GALNT13: variants seen among roughly 807,000 people sequenced by gnomAD.
GALNT13 encodes the protein polypeptide N-acetylgalactosaminyltransferase 13.
Under a neutral mutation model 64.2 loss-of-function variants are expected in GALNT13, and 28 were observed. The observed-to-expected ratio is 0.44, with a 90% CI of 0.32 to 0.60. The LOEUF is 0.60. Ranked by LOEUF, GALNT13 falls within the 20% of genes least tolerant of loss-of-function variation. The pLI, the probability that GALNT13 is intolerant of heterozygous loss-of-function variation, is 0.05. For synonymous variants in GALNT13, 214 were observed against 224.6 expected (o/e 0.95, Z 0.42); for missense variants, 577 against 669.8 (o/e 0.86, Z 1.53).
chr2:154,000,070 G>A (rs897479194), intron 3 of GALNT13, among the ~76,000 whole-genome samples: 6 of 151,246 alleles, frequency 4.0e-5, no homozygotes, highest in Non-Finnish European at 8.8e-5. Context: ...GAGAAAGGTT[G>A]TATTTGTCCA....
chr2:153,481,380 G>A, the GALNT13 span, among the ~76,000 whole-genome samples: 2 of 152,010 alleles, frequency 1.3e-5, no homozygotes, highest in Non-Finnish European at 2.9e-5. Flanking sequence ...AACAATTTCA[G>A]TTTTTCTCCT....
chr2:153,937,940 G>T (rs1312857261), intron 2 of GALNT13, among the ~76,000 whole-genome samples: 2 of 152,156 alleles, frequency 1.3e-5, no homozygotes, highest in Non-Finnish European at 2.9e-5. Flanking sequence ...AAGAGAGAAT[G>T]GGAAGATAGG....
the GALNT13 span, among the ~76,000 whole-genome samples, chr2:153,314,689 G>C: frequency 6.6e-6 from 1 of 151,172 alleles, no homozygotes; most frequent in Non-Finnish European, 1.5e-5. Context: ...AATGGGAAAA[G>C]AAGAAACCAC....
intron 9 of GALNT13, among the ~76,000 whole-genome samples, chr2:154,324,338 T>TTA (rs1694773855): frequency 2.0e-5 from 3 of 152,154 alleles, no homozygotes; most frequent in African/African-American, 4.8e-5. Flanking sequence ...TAAAATTACA[T>TTA]GCAAAGGGTA....
chr2:153,270,307 T>C, the GALNT13 span, among the ~76,000 whole-genome samples: 1 of 152,192 alleles, frequency 6.6e-6, no homozygotes, highest in Admixed American at 6.5e-5. Context: ...GCTACATGTG[T>C]GAGCAGTCTA....
chr2:153,620,275 G>C, the GALNT13 span, among the ~76,000 whole-genome samples: 4 of 151,628 alleles, frequency 2.6e-5, no homozygotes, highest in African/African-American at 7.3e-5. Flanking sequence ...AGGAGTGCAT[G>C]ACCACACCTG....
chr2:153,906,343 T>C (rs1371830006), intron 2 of GALNT13, among the ~76,000 whole-genome samples: 2 of 150,960 alleles, frequency 1.3e-5, no homozygotes, highest in Admixed American at 6.6e-5. Flanking sequence ...GTGCTGCACC[T>C]ATTAACTCAT....
At chr2:153,320,955 G>T in the GALNT13 span, among the ~76,000 whole-genome samples, 1 of 152,124 alleles carries the variant, frequency 6.6e-6, no homozygotes, top group African/African-American at 2.4e-5. Flanking sequence ...AGCCAAATCT[G>T]GAGTTGATAG....
At chr2:153,171,529 T>C in the GALNT13 span, among the ~76,000 whole-genome samples, 1 of 152,206 alleles carries the variant, frequency 6.6e-6, no homozygotes, top group African/African-American at 2.4e-5. Flanking sequence ...GTAACTCTTA[T>C]ATGTTGGTGA....
chr2:153,191,219 T>A, the GALNT13 span, among the ~76,000 whole-genome samples: 1 of 152,120 alleles, frequency 6.6e-6, no homozygotes, highest in Non-Finnish European at 1.5e-5. Flanking sequence ...TTGTCTTATA[T>A]GGCCTTTATT....
At chr2:153,501,619 T>A in the GALNT13 span, among the ~76,000 whole-genome samples, 82,460 of 151,982 alleles carry the variant, frequency 0.54, 24,115 homozygotes, top group African/African-American at 0.74. Context: ...GGCATGAGCC[T>A]CCGCACCCGG....
chr2:153,755,567 C>T, the GALNT13 span, among the ~76,000 whole-genome samples: 1 of 152,016 alleles, frequency 6.6e-6, no homozygotes, highest in Non-Finnish European at 1.5e-5. Context: ...AATACCTATT[C>T]AGGTCCCTTG....
chr2:153,871,529 T>A (rs1321881318), upstream of GALNT13, among the ~76,000 whole-genome samples: 4 of 152,142 alleles, frequency 2.6e-5, no homozygotes, highest in Non-Finnish European at 5.9e-5. Context: ...TCTAAGAGGC[T>A]CCCTGGTGCA....
chr2:153,088,888 A>G, the GALNT13 span, among the ~76,000 whole-genome samples: 1 of 152,088 alleles, frequency 6.6e-6, no homozygotes, highest in Non-Finnish European at 1.5e-5. Flanking sequence ...TCCCTTGAAG[A>G]TCTCAGATAC....
chr2:154,334,700 C>A (rs1695346522), intron 9 of GALNT13, among the ~76,000 whole-genome samples: 1 of 151,996 alleles, frequency 6.6e-6, no homozygotes, highest in Non-Finnish European at 1.5e-5. Context: ...TCTCTCCGTT[C>A]TCACTACATA....
downstream of GALNT13, among the ~76,000 whole-genome samples, chr2:154,455,601 G>A (rs1310365775): frequency 6.8e-6 from 1 of 147,514 alleles, no homozygotes; most frequent in Non-Finnish European, 1.5e-5. Flanking sequence ...AGCCCCTTAT[G>A]TATAGTACAT....
the GALNT13 span, among the ~76,000 whole-genome samples, chr2:153,532,735 T>G: frequency 4.9e-3 from 751 of 152,324 alleles, 3 homozygotes; most frequent in Non-Finnish European, 6.6e-3. Context: ...AAACACTTTG[T>G]GCTTAGAAAT....
At chr2:154,417,401 C>CAG (rs1326987824) in intron 11 of GALNT13, among the ~76,000 whole-genome samples, 1 of 151,572 alleles carries the variant, frequency 6.6e-6, no homozygotes, top group African/African-American at 2.4e-5. Flanking sequence ...GGACCCTGAC[C>CAG]AGACTTGTAA....
the GALNT13 span, among the ~76,000 whole-genome samples, chr2:153,137,071 A>G: frequency 6.6e-6 from 1 of 152,074 alleles, no homozygotes; most frequent in Non-Finnish European, 1.5e-5. Flanking sequence ...AGAATCTAAA[A>G]TGGATCTGGA....
Sources: gnomAD v4.1 joint callset for allele counts (sites outside exome capture counted in the v4.1 genomes callset) on GRCh38, gnomAD v4.1.1 for gene constraint, MANE v1.5 for transcripts, NCBI Gene and HGNC (gene_info 2026-07-23, HGNC 2026-07-21) for gene names.